Variants in NCOA2 observed in about 807,000 individuals in gnomAD.
NCOA2 encodes nuclear receptor coactivator 2.
NCOA2 carries 21 observed loss-of-function variants against 145.1 expected under a neutral mutation model. The ratio of observed to expected loss-of-function variants is 0.14; its 90% CI spans 0.10 to 0.21. NCOA2 has a LOEUF of 0.21. NCOA2 is among the 10% of genes least tolerant of loss of function. The pLI is 1.00. For missense variants in NCOA2, 1,472 were observed against 1,837.6 expected (o/e 0.80, Z 3.64); for synonymous variants, 619 against 637.5 (o/e 0.97, Z 0.44).
At chr8:70,431,110 A>G in the NCOA2 span, among the ~76,000 whole-genome samples, 2 of 152,174 alleles carry the variant, frequency 1.3e-5, no homozygotes, top group South Asian at 4.1e-4. Flanking sequence ...TGTAAAAATT[A>G]TATATGCAGA....
chr8:70,145,999 T>A (rs1811026610), intron 12 of NCOA2, among the ~76,000 whole-genome samples: 1 of 152,206 alleles, frequency 6.6e-6, no homozygotes, highest in South Asian at 2.1e-4. Flanking sequence ...CGTTATAATA[T>A]TCAGACTTAG....
the NCOA2 span, among the ~76,000 whole-genome samples, chr8:70,420,609 G>A: frequency 2.0e-4 from 30 of 152,154 alleles, no homozygotes; most frequent in Admixed American, 1.9e-3. Flanking sequence ...TCAGGAGGCT[G>A]GGGGTGGCTG....
chr8:70,359,615 A>C (rs890426599), intron 1 of NCOA2, among the ~76,000 whole-genome samples: 4 of 152,174 alleles, frequency 2.6e-5, no homozygotes, highest in African/African-American at 9.7e-5. Context: ...ATTTGCCATA[A>C]TAAAATGTTT....
chr8:70,363,080 A>AAAAC (rs1586599539), intron 1 of NCOA2, among the ~76,000 whole-genome samples: 1 of 94,178 alleles, frequency 1.1e-5, no homozygotes. Context: ...CTCTGTCTTT[A>AAAAC]AAAAAAAAAA....
chr8:70,189,781 G>A (rs1017029884), intron 4 of NCOA2, among the ~76,000 whole-genome samples: 1 of 152,182 alleles, frequency 6.6e-6, no homozygotes, highest in Non-Finnish European at 1.5e-5. Context: ...GTGGATTATC[G>A]TGATTAAAGT....
chr8:70,199,305 C>G (rs1048954516), intron 4 of NCOA2, among the ~76,000 whole-genome samples: 3 of 151,510 alleles, frequency 2.0e-5, no homozygotes, highest in African/African-American at 7.3e-5. Context: ...AAAAAAATTA[C>G]CTGGGTGTGG....
chr8:70,378,192 G>C (rs1179632658), intron 1 of NCOA2, among the ~76,000 whole-genome samples: 1 of 152,160 alleles, frequency 6.6e-6, no homozygotes, highest in Admixed American at 6.5e-5. Flanking sequence ...CTCACACCTA[G>C]AATTCTTTGG....
chr8:70,249,581 T>G (rs999805437), intron 2 of NCOA2, among the ~76,000 whole-genome samples: 1 of 152,164 alleles, frequency 6.6e-6, no homozygotes, highest in Admixed American at 6.5e-5. Context: ...GCCCAGTGCA[T>G]AGCATAGGAA....
At chr8:70,295,928 G>C (rs557308381) in intron 2 of NCOA2, among the ~76,000 whole-genome samples, 3 of 152,294 alleles carry the variant, frequency 2.0e-5, no homozygotes, top group East Asian at 3.9e-4. Context: ...CTGGGTGAAA[G>C]AGCGAGATTC....
intron 1 of NCOA2, among the ~76,000 whole-genome samples, chr8:70,348,610 CAT>C (rs767574734): frequency 6.6e-6 from 1 of 152,062 alleles, no homozygotes; most frequent in Non-Finnish European, 1.5e-5. Context: ...GTCATGTATA[CAT>C]ATAGGGAGGT....
At chr8:70,216,586 T>C in intron 3 of NCOA2, 74 bp downstream of exon 3, 6 of 1,218,712 alleles carry the variant, frequency 4.9e-6, no homozygotes, top group Non-Finnish European at 6.1e-6. Flanking sequence ...GTAAAATCAA[T>C]GCTAAAATAA....
chr8:70,124,073 G>C lies in NCOA2; in HGVS notation c.4104C>G (p.Ser1368=). ...QGNMGGNSMF[S]QQSPPHFGQQ... is the part of the protein sequence containing the mutation. ...GCCCAAAGTGTGGTGGGGACTGCTGGGAAAACATGCTGGAATACAATGGAA... is the reference window on the plus strand; with the variant it reads ...GCCCAAAGTGTGGTGGGGACTGCTGCGAAAACATGCTGGAATACAATGGAA... Residue 1368 remains serine, a synonymous_variant, in exon 21 of 23, where the codon TCC becomes TCG. Transcript: ENST00000452400. 6.2e-7 allele frequency: 1 copy of C among 1,612,858 alleles called. No homozygotes were observed.
intron 1 of NCOA2, among the ~76,000 whole-genome samples, chr8:70,335,118 A>G: frequency 1.1e-5 from 1 of 92,080 alleles, no homozygotes; most frequent in African/African-American, 5.5e-5. Flanking sequence ...ATGAGACTCC[A>G]TCTCAAAAAA....
intron 2 of NCOA2, among the ~76,000 whole-genome samples, chr8:70,250,699 A>G (rs1823091564): frequency 6.6e-6 from 1 of 151,514 alleles, no homozygotes; most frequent in Admixed American, 6.6e-5. Context: ...AAAGGTGACA[A>G]ATCTTTAATC....
intron 4 of NCOA2, among the ~76,000 whole-genome samples, chr8:70,205,525 T>C (rs867676467): frequency 3.3e-5 from 5 of 152,004 alleles, no homozygotes; most frequent in Admixed American, 3.3e-4. Context: ...CCTGTCACTA[T>C]ACACTACAAA....
chr8:70,424,647 G>A, the NCOA2 span: 5 of 345,298 alleles, frequency 1.4e-5, no homozygotes, highest in Non-Finnish European at 2.3e-5. Context: ...AAGCCAGATC[G>A]TGAATATTTT....
intron 18 of NCOA2, 67 bp downstream of exon 18, chr8:70,128,366 A>G: frequency 7.4e-7 from 1 of 1,356,906 alleles, no homozygotes. Context: ...CTTTCTTCAG[A>G]GAGGAAGAAA....
chr8:70,421,292 T>C, the NCOA2 span, among the ~76,000 whole-genome samples: 1 of 152,122 alleles, frequency 6.6e-6, no homozygotes, highest in East Asian at 1.9e-4. Flanking sequence ...GGCTCACGCC[T>C]GTAATCCCAG....
intron 4 of NCOA2, among the ~76,000 whole-genome samples, chr8:70,185,587 C>G (rs1332627581): frequency 6.6e-6 from 1 of 152,138 alleles, no homozygotes; most frequent in East Asian, 1.9e-4. Flanking sequence ...AGGGCGCAAG[C>G]TCTCTGTGGA....
Sources: gnomAD v4.1 joint callset for allele counts (sites outside exome capture counted in the v4.1 genomes callset) on GRCh38, gnomAD v4.1.1 for gene constraint, MANE v1.5 for transcripts, NCBI Gene and HGNC (gene_info 2026-07-23, HGNC 2026-07-21) for gene names.